The following MCTP2 variants were observed in gnomAD, a reference collection of about 807,000 sequenced individuals.
MCTP2 encodes multiple C2 and transmembrane domain-containing protein 2.
MCTP2 carries 132 observed loss-of-function variants against 111.6 expected under a neutral mutation model. That is an observed-to-expected ratio of 1.18 (90% confidence interval 1.03 to 1.37). The LOEUF is 1.37. MCTP2 is among the 40% of genes most tolerant of loss of function. The pLI is 0.00. For missense variants in MCTP2, 1,183 were observed against 1,067.9 expected (o/e 1.11, Z -1.50); for synonymous variants, 395 against 387.7 (o/e 1.02, Z -0.22).
chr15:94,354,873 T>C (rs1459237345), intron 8 of MCTP2, among the ~76,000 whole-genome samples: 1 of 152,214 alleles, frequency 6.6e-6, no homozygotes, highest in East Asian at 1.9e-4. Flanking sequence ...CAAATTGGTG[T>C]CTAAATGATC....
intron 1 of MCTP2, among the ~76,000 whole-genome samples, chr15:94,249,842 G>T (rs2072286273): frequency 1.3e-5 from 2 of 151,970 alleles, no homozygotes; most frequent in African/African-American, 4.8e-5. Flanking sequence ...ATCTGAGCTG[G>T]TCACCAGAAA....
intron 19 of MCTP2, among the ~76,000 whole-genome samples, chr15:94,450,324 C>T (rs1051988199): frequency 2.0e-5 from 3 of 152,168 alleles, no homozygotes; most frequent in Admixed American, 6.5e-5. Context: ...CGAGCTGTGG[C>T]GTTGACTCCA....
chr15:94,311,036 T>A (rs1006233671), intron 2 of MCTP2, among the ~76,000 whole-genome samples: 13 of 147,780 alleles, frequency 8.8e-5, no homozygotes, highest in East Asian at 1.9e-4. Flanking sequence ...TTTTTTTTTT[T>A]ATTTTTGAGA....
rs2083872826 is a variant in MCTP2, at chr15:94,443,018, C to T, written c.2250+58C>T. On this transcript the variant is annotated intron_variant, in intron 19 of 22. Coordinates refer to ENST00000357742, the MANE Select transcript of MCTP2 (RefSeq NM_001385001.1). ...AAACACTAGTGTTGTCAACAGATAG[C>T]ATTCCTTCAGGTTGAGTCTCTCTCC... The T allele has an allele frequency of 2.8e-6, 4 of 1,404,120 alleles. No individual in the cohort carries two copies. The African/African-American group carries it at 5.9e-5, about 21-fold the overall frequency. The allele number at this position is 1,404,120 out of a possible 1,614,324, so 87.0% of individuals were successfully genotyped here.
chr15:94,333,444 C>CAA (rs139357513), intron 4 of MCTP2, among the ~76,000 whole-genome samples: 4,093 of 148,538 alleles, frequency 0.028, 160 homozygotes, highest in African/African-American at 0.095. Context: ...TGAGTTATAT[C>CAA]AAAAAAAAAG....
At chr15:94,241,554 A>G (rs1209473867) in intron 1 of MCTP2, among the ~76,000 whole-genome samples, 1 of 152,136 alleles carries the variant, frequency 6.6e-6, no homozygotes, top group Non-Finnish European at 1.5e-5. Flanking sequence ...TAGTACTTAC[A>G]AGGCATTTGT....
intron 1 of MCTP2, among the ~76,000 whole-genome samples, chr15:94,238,010 C>G (rs1345075905): frequency 6.6e-6 from 1 of 152,126 alleles, no homozygotes; most frequent in African/African-American, 2.4e-5. Flanking sequence ...TGAACCAAAC[C>G]AATGTATTTC....
At chr15:94,287,853 C>G (rs1375190251) in intron 1 of MCTP2, among the ~76,000 whole-genome samples, 4 of 152,144 alleles carry the variant, frequency 2.6e-5, no homozygotes. Flanking sequence ...CAGATGTTAG[C>G]AGTGGATCTC....
chr15:94,457,421 A>G (rs1482385060), intron 19 of MCTP2, among the ~76,000 whole-genome samples: 1 of 152,190 alleles, frequency 6.6e-6, no homozygotes, highest in Non-Finnish European at 1.5e-5. Flanking sequence ...GCTGAATTCC[A>G]TTTCACATGA....
intron 1 of MCTP2, among the ~76,000 whole-genome samples, chr15:94,266,264 C>T (rs2073523948): frequency 6.6e-6 from 1 of 152,202 alleles, no homozygotes; most frequent in Non-Finnish European, 1.5e-5. Context: ...CTTCCATTTC[C>T]TGGTGCTGCA....
At chr15:94,234,755 C>T (rs2152205883) in intron 1 of MCTP2, among the ~76,000 whole-genome samples, 1 of 152,294 alleles carries the variant, frequency 6.6e-6, no homozygotes, top group African/African-American at 2.4e-5. Flanking sequence ...TTTCTAATGT[C>T]CCAAGTCCTG....
At chr15:94,351,139 G>A in intron 8 of MCTP2, among the ~76,000 whole-genome samples, 1 of 152,118 alleles carries the variant, frequency 6.6e-6, no homozygotes, top group Non-Finnish European at 1.5e-5. Context: ...TTATCTACAA[G>A]TATAAATTGC....
intron 5 of MCTP2, among the ~76,000 whole-genome samples, chr15:94,339,988 T>A (rs1252463676): frequency 6.6e-6 from 1 of 152,238 alleles, no homozygotes; most frequent in Non-Finnish European, 1.5e-5. Flanking sequence ...GTTGCTGTTA[T>A]TTTGGTCATA....
chr15:94,459,097 T>G (rs2085027015), intron 20 of MCTP2, among the ~76,000 whole-genome samples: 1 of 152,182 alleles, frequency 6.6e-6, no homozygotes. Context: ...CACCAATAAG[T>G]GGAAGGTTTT....
Position 94,405,697 on chromosome 15 carries a change from G to C in MCTP2, c.2085+3678G>C, listed in dbSNP as rs112183041. On this transcript the variant is annotated intron_variant, in intron 17 of 22. Transcript: ENST00000357742. Reference sequence around the variant, plus strand: ...TGTTATCATAAGAAATTAAACATGGGCATTTGTAGGGTGGTCAGACCATTC... The same window carrying C: ...TGTTATCATAAGAAATTAAACATGGCCATTTGTAGGGTGGTCAGACCATTC... 3.0e-3 allele frequency among the ~76,000 whole-genome samples: 462 copies of C among 152,282 alleles called. 2 individuals carry two copies. Among genetic ancestry groups the C allele is most frequent in the African/African-American group, 0.01 (435 of 41,546 alleles).
chr15:94,348,661 A>G (rs1420682273), intron 8 of MCTP2, among the ~76,000 whole-genome samples: 1 of 150,388 alleles, frequency 6.6e-6, no homozygotes, highest in African/African-American at 2.5e-5. Context: ...CGCTTTCTCT[A>G]ATTGAACTCA....
intron 19 of MCTP2, among the ~76,000 whole-genome samples, chr15:94,453,266 A>C (rs895673789): frequency 6.6e-6 from 1 of 152,224 alleles, no homozygotes; most frequent in African/African-American, 2.4e-5. Flanking sequence ...GTTAACTCTA[A>C]CAACCAGGAA....
chr15:94,244,830 CTA>C (rs150186120), intron 1 of MCTP2, among the ~76,000 whole-genome samples: 2,869 of 139,432 alleles, frequency 0.021, 173 homozygotes, highest in East Asian at 0.11. Context: ...ACATATGCAC[CTA>C]TGTTTATATA....
intron 1 of MCTP2, among the ~76,000 whole-genome samples, chr15:94,240,781 C>A (rs745672370): frequency 2.6e-5 from 4 of 152,098 alleles, no homozygotes; most frequent in Non-Finnish European, 5.9e-5. Context: ...ATTTGTGTAA[C>A]GAAGCTAGCA....
Sources: gnomAD v4.1 joint callset for allele counts (sites outside exome capture counted in the v4.1 genomes callset) on GRCh38, gnomAD v4.1.1 for gene constraint, MANE v1.5 for transcripts, NCBI Gene and HGNC (gene_info 2026-07-23, HGNC 2026-07-21) for gene names.